SHISA9: variants seen among roughly 807,000 people sequenced by gnomAD.
SHISA9 encodes shisa family member 9, also known as protein shisa-9.
In SHISA9, 13 loss-of-function variants were observed where a neutral mutation model predicts 38.0. The ratio of observed to expected loss-of-function variants is 0.34; its 90% CI spans 0.22 to 0.54. The LOEUF is 0.54. Ranked by LOEUF, SHISA9 falls within the 20% of genes least tolerant of loss-of-function variation. The pLI is 0.91. For missense variants in SHISA9, 538 were observed against 575.8 expected, an observed-to-expected ratio of 0.93 and a Z score of 0.67; for synonymous variants, 275 against 242.0, an observed-to-expected ratio of 1.14 and a Z score of -1.27.
the SHISA9 span, among the ~76,000 whole-genome samples, chr16:13,442,311 A>C: frequency 7.0e-6 from 1 of 142,006 alleles, no homozygotes; most frequent in Non-Finnish European, 1.6e-5. Context: ...GTTAACAAGG[A>C]AACAATTTTT....
At chr16:13,364,762 A>C in the SHISA9 span, among the ~76,000 whole-genome samples, 9 of 152,204 alleles carry the variant, frequency 5.9e-5, no homozygotes, top group Non-Finnish European at 8.8e-5. Flanking sequence ...CTTGAATAAT[A>C]TGAATGACAG....
intron 2 of SHISA9, among the ~76,000 whole-genome samples, chr16:12,947,056 G>A (rs935347143): frequency 3.9e-5 from 6 of 152,166 alleles, no homozygotes; most frequent in African/African-American, 9.7e-5. Context: ...GCATTTGGTC[G>A]AGGGGAATAA....
chr16:13,376,490 T>C, the SHISA9 span, among the ~76,000 whole-genome samples: 1 of 152,238 alleles, frequency 6.6e-6, no homozygotes, highest in Non-Finnish European at 1.5e-5. Flanking sequence ...TCTGAAGTCA[T>C]TTCAGCTTTT....
the SHISA9 span, among the ~76,000 whole-genome samples, chr16:13,389,404 C>A: frequency 6.6e-6 from 1 of 152,028 alleles, no homozygotes; most frequent in Non-Finnish European, 1.5e-5. Flanking sequence ...TAACTCATTT[C>A]TTTTTAGTTC....
intron 2 of SHISA9, among the ~76,000 whole-genome samples, chr16:13,188,066 A>G (rs1013674480): frequency 2.0e-5 from 3 of 151,978 alleles, no homozygotes; most frequent in Non-Finnish European, 4.4e-5. Flanking sequence ...GCTGAGCCTC[A>G]TTTTTCTCAT....
At chr16:13,220,977 C>T (rs557659005) in intron 4 of SHISA9, among the ~76,000 whole-genome samples, 1 of 151,730 alleles carries the variant, frequency 6.6e-6, no homozygotes, top group African/African-American at 2.4e-5. Context: ...AGAATTCTCC[C>T]TAGCAAAGGC....
chr16:13,308,562 GAC>G, the SHISA9 span, among the ~76,000 whole-genome samples: 1 of 152,162 alleles, frequency 6.6e-6, no homozygotes, highest in Middle Eastern at 3.2e-3. Context: ...GTATCCCAAT[GAC>G]GGTAATCTTC....
chr16:13,052,156 A>G (rs1193226063), intron 2 of SHISA9, among the ~76,000 whole-genome samples: 1 of 152,224 alleles, frequency 6.6e-6, no homozygotes, highest in Non-Finnish European at 1.5e-5. Context: ...ACCCCCAGTC[A>G]TTAAAAAGTA....
the SHISA9 span, among the ~76,000 whole-genome samples, chr16:13,445,664 G>A: frequency 6.6e-6 from 1 of 152,108 alleles, no homozygotes; most frequent in Non-Finnish European, 1.5e-5. Context: ...CATTTCCTTT[G>A]ATTGAAACTT....
At chr16:13,086,518 C>T (rs2073712811) in intron 2 of SHISA9, among the ~76,000 whole-genome samples, 1 of 151,966 alleles carries the variant, frequency 6.6e-6, no homozygotes, top group Non-Finnish European at 1.5e-5. Flanking sequence ...AAAAAGGAGA[C>T]TTGAGAATGG....
the SHISA9 span, among the ~76,000 whole-genome samples, chr16:13,267,590 G>A: frequency 6.6e-6 from 1 of 152,182 alleles, no homozygotes; most frequent in East Asian, 1.9e-4. Flanking sequence ...TAAAAACTCT[G>A]TGGTGGTGTT....
chr16:13,517,336 G>C, the SHISA9 span, among the ~76,000 whole-genome samples: 1 of 152,184 alleles, frequency 6.6e-6, no homozygotes, highest in Non-Finnish European at 1.5e-5. Context: ...TAAACCATGA[G>C]AGAACAAATC....
intron 2 of SHISA9, among the ~76,000 whole-genome samples, chr16:12,942,752 T>C (rs1489872601): frequency 6.6e-6 from 1 of 152,148 alleles, no homozygotes; most frequent in Non-Finnish European, 1.5e-5. Flanking sequence ...ATCCACCTCA[T>C]CTGCTTTCTG....
downstream of SHISA9, among the ~76,000 whole-genome samples, chr16:13,243,186 G>A (rs958983366): frequency 6.6e-6 from 1 of 151,880 alleles, no homozygotes; most frequent in Non-Finnish European, 1.5e-5. Context: ...TTTGCAGTGA[G>A]CCGAGATCGC....
intron 2 of SHISA9, among the ~76,000 whole-genome samples, chr16:13,157,750 A>G (rs913051515): frequency 2.0e-5 from 3 of 152,082 alleles, no homozygotes; most frequent in Non-Finnish European, 4.4e-5. Flanking sequence ...CCTGTTCCCA[A>G]GGAGGGAGAC....
the SHISA9 span, among the ~76,000 whole-genome samples, chr16:13,284,470 A>G: frequency 6.6e-6 from 1 of 152,210 alleles, no homozygotes; most frequent in African/African-American, 2.4e-5. Context: ...TTATCATTGC[A>G]TTTAAAATAG....
the SHISA9 span, among the ~76,000 whole-genome samples, chr16:13,254,666 C>T: frequency 6.6e-6 from 1 of 152,244 alleles, no homozygotes; most frequent in Admixed American, 6.5e-5. Context: ...ATCACCTCCC[C>T]CAGAACCAAA....
the SHISA9 span, among the ~76,000 whole-genome samples, chr16:13,543,761 A>G: frequency 1.1e-4 from 17 of 152,208 alleles, no homozygotes; most frequent in Admixed American, 7.9e-4. Context: ...CAGAGCCCAC[A>G]GATAATGCTC....
chr16:13,124,544 C>T lies in SHISA9; in HGVS notation c.692-78850C>T, dbSNP rs373059112. 5.7e-3 allele frequency among the ~76,000 whole-genome samples: 867 copies of T among 152,148 alleles called. 6 individuals carry two copies. The highest frequency in any genetic ancestry group is 0.019 in the African/African-American group (792 of 41,500). ...GGGCACACCTTGGACTCTGTGTGCCCCAGACAGGTTAATGTAACTGTGAGC... is the reference window on the plus strand; with the variant it reads ...GGGCACACCTTGGACTCTGTGTGCCTCAGACAGGTTAATGTAACTGTGAGC... On this transcript the variant is annotated intron_variant, in intron 2 of 4. Transcript: ENST00000558583.
Sources: gnomAD v4.1 joint callset for allele counts (sites outside exome capture counted in the v4.1 genomes callset) on GRCh38, gnomAD v4.1.1 for gene constraint, MANE v1.5 for transcripts, NCBI Gene and HGNC (gene_info 2026-07-23, HGNC 2026-07-21) for gene names.